Variants in PABPC4L observed in about 807,000 individuals in gnomAD.
PABPC4L encodes polyadenylate-binding protein 4-like.
For synonymous variants in PABPC4L, 169 were observed against 164.1 expected (o/e 1.03, Z -0.23); for missense variants, 452 against 451.4 (o/e 1.00, Z -0.01).
At chr4:134,127,585 A>T in the PABPC4L span, among the ~76,000 whole-genome samples, 1 of 152,048 alleles carries the variant, frequency 6.6e-6, no homozygotes, top group Non-Finnish European at 1.5e-5. Context: ...AGGAAGCCCC[A>T]TCCCTAGGGA....
chr4:134,004,450 C>T, the PABPC4L span, among the ~76,000 whole-genome samples: 14 of 151,902 alleles, frequency 9.2e-5, no homozygotes, highest in African/African-American at 3.4e-4. Context: ...GATATAATTT[C>T]ACATTCATAA....
At chr4:133,974,737 T>G in the PABPC4L span, among the ~76,000 whole-genome samples, 1 of 152,122 alleles carries the variant, frequency 6.6e-6, no homozygotes, top group Non-Finnish European at 1.5e-5. Context: ...CTCCAAAGGA[T>G]GTGTACAAAG....
At chr4:134,072,584 T>G in the PABPC4L span, among the ~76,000 whole-genome samples, 2 of 152,192 alleles carry the variant, frequency 1.3e-5, no homozygotes, top group African/African-American at 4.8e-5. Context: ...GTTTAAAGAA[T>G]GTATATGGTT....
chr4:133,984,181 A>G, the PABPC4L span, among the ~76,000 whole-genome samples: 1 of 152,030 alleles, frequency 6.6e-6, no homozygotes, highest in Admixed American at 6.5e-5. Context: ...AACTTATGAA[A>G]GATAATTATT....
the PABPC4L span, among the ~76,000 whole-genome samples, chr4:133,999,265 G>A: frequency 7.9e-5 from 12 of 151,920 alleles, no homozygotes; most frequent in Non-Finnish European, 1.2e-4. Flanking sequence ...TTGTTTTAGG[G>A]AACTCAGCCA....
the PABPC4L span, among the ~76,000 whole-genome samples, chr4:134,026,253 T>G: frequency 6.6e-6 from 1 of 152,010 alleles, no homozygotes; most frequent in Non-Finnish European, 1.5e-5. Flanking sequence ...TTTTTTTTTT[T>G]TTAGACAAAC....
the PABPC4L span, among the ~76,000 whole-genome samples, chr4:134,169,544 C>T: frequency 6.6e-6 from 1 of 151,878 alleles, no homozygotes; most frequent in African/African-American, 2.4e-5. Flanking sequence ...AGAGAAACCT[C>T]AAGACTCCAT....
At chr4:134,168,203 A>G in the PABPC4L span, among the ~76,000 whole-genome samples, 1 of 152,176 alleles carries the variant, frequency 6.6e-6, no homozygotes, top group African/African-American at 2.4e-5. Flanking sequence ...ATTAAGAAGA[A>G]AACTTTTTAA....
the PABPC4L span, among the ~76,000 whole-genome samples, chr4:133,995,528 T>C: frequency 5.3e-5 from 8 of 152,162 alleles, no homozygotes; most frequent in Non-Finnish European, 1.5e-5. Context: ...CTAATTTGTC[T>C]CTTAATTCCC....
the PABPC4L span, among the ~76,000 whole-genome samples, chr4:134,172,939 A>T: frequency 6.6e-6 from 1 of 152,046 alleles, no homozygotes; most frequent in South Asian, 2.1e-4. Context: ...CAAACAAATG[A>T]CCAACAGTTT....
At chr4:134,079,592 A>C in the PABPC4L span, among the ~76,000 whole-genome samples, 3 of 42,166 alleles carry the variant, frequency 7.1e-5, 1 homozygote, top group African/African-American at 3.7e-4. Context: ...AAAAAAAAAA[A>C]AAAAAAAAAA....
chr4:134,182,509 C>T, the PABPC4L span, among the ~76,000 whole-genome samples: 1 of 151,964 alleles, frequency 6.6e-6, no homozygotes, highest in South Asian at 2.1e-4. Flanking sequence ...TGGAAAATAA[C>T]CTAGGAAGTA....
chr4:134,200,844 A>G lies in PABPC4L; in HGVS notation c.176T>C (p.Leu59Ser). Residue 59 changes from leucine (L) to serine (S), a missense_variant, in exon 2 of 2, where the codon TTG becomes TCG. Coordinates refer to ENST00000421491, the MANE Select transcript of PABPC4L (RefSeq NM_001114734.2). ...RSLGYAYVNF[L>S]QLADAQKALD... is the part of the protein sequence containing the mutation. ...CGCCTTCTGGGCATCAGCCAGCTGC[A>G]AGAAGTTCACGTAGGCATAGCCCAG... 1 of 1,563,826 alleles carries G rather than the reference A, an allele frequency of 6.4e-7. No homozygotes were observed. The highest frequency in any genetic ancestry group is 8.7e-7 in the Non-Finnish European group (1 of 1,153,750).
the PABPC4L span, among the ~76,000 whole-genome samples, chr4:134,041,120 TTG>T: frequency 3.3e-5 from 5 of 152,090 alleles, no homozygotes; most frequent in Non-Finnish European, 2.9e-5. Flanking sequence ...TTTTACACTG[TTG>T]GTGGCAGTGT....
At chr4:134,040,139 G>T in the PABPC4L span, among the ~76,000 whole-genome samples, 1 of 145,996 alleles carries the variant, frequency 6.8e-6, no homozygotes, top group Admixed American at 6.9e-5. Flanking sequence ...TGGCCATACT[G>T]TTCAAAGTAA....
chr4:134,108,846 AAGG>A, the PABPC4L span, among the ~76,000 whole-genome samples: 1 of 151,898 alleles, frequency 6.6e-6, no homozygotes, highest in Non-Finnish European at 1.5e-5. Flanking sequence ...TAAAGACAGT[AAGG>A]AGGACATTTT....
chr4:134,178,638 C>A, the PABPC4L span, among the ~76,000 whole-genome samples: 1 of 151,972 alleles, frequency 6.6e-6, no homozygotes, highest in African/African-American at 2.4e-5. Flanking sequence ...ACCAAGAAAT[C>A]TAAGGATTAC....
chr4:134,020,459 G>C, the PABPC4L span, among the ~76,000 whole-genome samples: 1 of 152,072 alleles, frequency 6.6e-6, no homozygotes, highest in Non-Finnish European at 1.5e-5. Flanking sequence ...GACACACCCA[G>C]GTCTGAGTCT....
the PABPC4L span, among the ~76,000 whole-genome samples, chr4:134,097,937 G>T: frequency 6.6e-6 from 1 of 151,794 alleles, no homozygotes; most frequent in African/African-American, 2.4e-5. Flanking sequence ...TTGATAACAG[G>T]CAGTAGCTAG....
Sources: gnomAD v4.1 joint callset for allele counts (sites outside exome capture counted in the v4.1 genomes callset) on GRCh38, gnomAD v4.1.1 for gene constraint, MANE v1.5 for transcripts, NCBI Gene and HGNC (gene_info 2026-07-23, HGNC 2026-07-21) for gene names.